The following SOS2 variants were observed in gnomAD, a reference collection of about 807,000 sequenced individuals.
SOS2 encodes son of sevenless homolog 2.
A neutral mutation model predicts 148.2 loss-of-function variants in SOS2; 65 were observed. The ratio of observed to expected loss-of-function variants is 0.44; its 90% CI spans 0.36 to 0.54. The LOEUF is 0.54. Ranked by LOEUF, SOS2 falls within the 20% of genes least tolerant of loss-of-function variation. The pLI is 0.00. For synonymous variants in SOS2, 539 were observed against 537.1 expected (o/e 1.00, Z -0.05); for missense variants, 1,341 against 1,590.2 (o/e 0.84, Z 2.67).
At chr14:50,199,163 A>G (rs1566476645) in intron 4 of SOS2, among the ~76,000 whole-genome samples, 1 of 152,190 alleles carries the variant, frequency 6.6e-6, no homozygotes, top group Non-Finnish European at 1.5e-5. Flanking sequence ...AAATAACAGG[A>G]AGAAGAATAA....
intron 5 of SOS2, among the ~76,000 whole-genome samples, chr14:50,182,955 G>C (rs1243073094): frequency 2.0e-5 from 3 of 152,118 alleles, no homozygotes; most frequent in East Asian, 3.9e-4. Flanking sequence ...TCTTTAACTA[G>C]CATATCTTTT....
intron 10 of SOS2, 104 bp from the exon 11 acceptor site, chr14:50,158,750 G>C (rs1027536887): frequency 7.1e-5 from 50 of 706,542 alleles, no homozygotes; most frequent in Non-Finnish European, 1.1e-4. Context: ...TTTTTACTTT[G>C]GCTCCTCAGA....
At position 50,118,411 on chromosome 14, in the gene SOS2, T is replaced by C; in HGVS notation, c.3932A>G (p.Lys1311Arg). The C allele has an allele frequency of 6.2e-7, 1 of 1,614,116 alleles. No homozygotes were observed. The highest frequency in any genetic ancestry group is 8.5e-7 in the Non-Finnish European group (1 of 1,180,010). Residue 1311 changes from lysine (K) to arginine (R), a missense_variant, in exon 23 of 23, where the codon AAA becomes AGA. Around this residue, in one of 4 missense-constraint regions of SOS2, gnomAD observed 354 missense variants for 347.7 expected, o/e 1.02. Coordinates refer to ENST00000216373, the MANE Select transcript of SOS2 (RefSeq NM_006939.4). The stretch of plus-strand genomic sequence containing the variant: ...CAATGGGGGGTGCGAAAGCTCCCGT[T>C]TGTAAGTCTTTGGTGGCAGTTTTGG... ...HLPKLPPKTY[K>R]RELSHPPLYR...
chr14:50,228,579 G>T (rs1429621673), intron 1 of SOS2, among the ~76,000 whole-genome samples: 2 of 152,156 alleles, frequency 1.3e-5, no homozygotes. Flanking sequence ...TTGCATGGAA[G>T]TGATGACTTT....
chr14:50,178,669 TGC>T (rs1491292270), intron 7 of SOS2, among the ~76,000 whole-genome samples: 976 of 6,002 alleles, frequency 0.16, 31 homozygotes, highest in Middle Eastern at 0.38. Context: ...TGTGTGTGTG[TGC>T]ATATATATAT....
At chr14:50,206,384 C>A (rs1886660068) in intron 1 of SOS2, among the ~76,000 whole-genome samples, 1 of 152,176 alleles carries the variant, frequency 6.6e-6, no homozygotes, top group Non-Finnish European at 1.5e-5. Context: ...TCCATGGATG[C>A]CCAAGTCCTT....
intron 1 of SOS2, among the ~76,000 whole-genome samples, chr14:50,209,393 C>A (rs920149607): frequency 2.7e-5 from 4 of 150,574 alleles, no homozygotes; most frequent in Middle Eastern, 3.4e-3. Flanking sequence ...CCATGCAGGA[C>A]AAAAATATTG....
chr14:50,208,587 C>G (rs951315154), intron 1 of SOS2, among the ~76,000 whole-genome samples: 1 of 152,056 alleles, frequency 6.6e-6, no homozygotes, highest in South Asian at 2.1e-4. Context: ...GCAGAGGTTG[C>G]AGTGAGCTGA....
At chr14:50,131,652 G>A (rs1381774779) in intron 19 of SOS2, among the ~76,000 whole-genome samples, 1 of 152,162 alleles carries the variant, frequency 6.6e-6, no homozygotes, top group East Asian at 1.9e-4. Flanking sequence ...CACGAATTCT[G>A]CTAAAATTGA....
chr14:50,145,698 G>T, intron 14 of SOS2, 102 bp from the exon 15 acceptor site: 1 of 685,092 alleles, frequency 1.5e-6, no homozygotes, highest in Non-Finnish European at 2.5e-6. Flanking sequence ...CCAAAAGACA[G>T]ATGAACACAT....
intron 16 of SOS2, among the ~76,000 whole-genome samples, chr14:50,142,090 C>T (rs1884313829): frequency 6.6e-6 from 1 of 151,726 alleles, no homozygotes; most frequent in African/African-American, 2.4e-5. Flanking sequence ...TCACTGGAAC[C>T]TCTGCCTCCC....
chr14:50,177,941 T>C (rs552429049), intron 7 of SOS2, among the ~76,000 whole-genome samples: 72 of 152,214 alleles, frequency 4.7e-4, no homozygotes, highest in Non-Finnish European at 9.1e-4. Context: ...AAGAAAGTGA[T>C]GGCCTGGAAA....
chr14:50,220,419 A>AAAAAAAAAAAAAAAAAAAAAAC (rs1887170573), intron 1 of SOS2, among the ~76,000 whole-genome samples: 3 of 148,814 alleles, frequency 2.0e-5, no homozygotes, highest in Non-Finnish European at 3.0e-5. Flanking sequence ...AAAAAAAAAA[A>AAAAAAAAAAAAAAAAAAAAAAC]AAAGAACAGA....
chr14:50,140,164 A>G, intron 16 of SOS2, 105 bp from the exon 17 acceptor site: 1 of 591,768 alleles, frequency 1.7e-6, no homozygotes, highest in Admixed American at 3.0e-5. Flanking sequence ...CTGGAAAACA[A>G]TTTTTTTACA....
intron 1 of SOS2, among the ~76,000 whole-genome samples, chr14:50,205,930 T>A (rs1050570896): frequency 6.7e-6 from 1 of 150,240 alleles, no homozygotes; most frequent in African/African-American, 2.5e-5. Context: ...AAAAATAGCA[T>A]AAAATTGTGC....
At chr14:50,130,051 A>T in intron 20 of SOS2, 49 bp from the exon 21 acceptor site, 1 of 1,160,534 alleles carries the variant, frequency 8.6e-7, no homozygotes. Flanking sequence ...ACATGTAGGT[A>T]TTATTTTTTA....
At chr14:50,120,715 A>G (rs1328024989) in intron 21 of SOS2, among the ~76,000 whole-genome samples, 3 of 151,766 alleles carry the variant, frequency 2.0e-5, no homozygotes, top group Non-Finnish European at 4.4e-5. Context: ...CTTCCAAAGA[A>G]AGACCATCCT....
intron 1 of SOS2, among the ~76,000 whole-genome samples, chr14:50,219,798 G>A (rs1000367410): frequency 2.0e-5 from 3 of 152,064 alleles, no homozygotes; most frequent in Admixed American, 6.5e-5. Flanking sequence ...TGAAACCACA[G>A]CTGCATACTC....
At chr14:50,218,244 C>T (rs1221475200) in intron 1 of SOS2, among the ~76,000 whole-genome samples, 4 of 137,956 alleles carry the variant, frequency 2.9e-5, no homozygotes, top group East Asian at 2.1e-4. Flanking sequence ...AAAAAAAGGC[C>T]GAGTGAGATG....
Sources: gnomAD v4.1 joint callset for allele counts (sites outside exome capture counted in the v4.1 genomes callset) on GRCh38, gnomAD v4.1.1 for gene constraint, gnomAD v4.1.1 regional missense constraint, MANE v1.5 for transcripts, NCBI Gene and HGNC (gene_info 2026-07-23, HGNC 2026-07-21) for gene names.